GNA11: variants seen among roughly 807,000 people sequenced by gnomAD.
GNA11 encodes the protein G protein subunit alpha 11, also known as guanine nucleotide-binding protein subunit alpha-11.
A neutral mutation model predicts 38.2 loss-of-function variants in GNA11; 8 were observed. The ratio of observed to expected loss-of-function variants is 0.21; its 90% CI spans 0.12 to 0.38. The LOEUF is 0.38. Ranked by LOEUF, GNA11 falls within the 10% of genes least tolerant of loss-of-function variation. The pLI, the probability that GNA11 is intolerant of heterozygous loss-of-function variation, is 1.00. For missense variants in GNA11, 268 were observed against 516.3 expected, an observed-to-expected ratio of 0.52 and a Z score of 4.66; for synonymous variants, 211 against 221.4, an observed-to-expected ratio of 0.95 and a Z score of 0.42.
At chr19:3,109,662 G>A (rs780514041) in intron 1 of GNA11, among the ~76,000 whole-genome samples, 1 of 152,182 alleles carries the variant, frequency 6.6e-6, no homozygotes, top group Non-Finnish European at 1.5e-5. Context: ...CTCTGGGGAA[G>A]GGGGCGCCCA....
intron 4 of GNA11, 70 bp downstream of exon 4, chr19:3,115,142 G>C (rs2145321446): frequency 6.5e-7 from 1 of 1,547,724 alleles, no homozygotes; most frequent in South Asian, 1.2e-5. Context: ...GCCGGCTCAT[G>C]CCTGCGCACC....
At chr19:3,116,095 CG>C (rs1465096957) in intron 4 of GNA11, among the ~76,000 whole-genome samples, 1 of 151,846 alleles carries the variant, frequency 6.6e-6, no homozygotes, top group Non-Finnish European at 1.5e-5. Flanking sequence ...GCTGGGCCTC[CG>C]GGGCTCCAGG....
chr19:3,115,173 G>A (rs1372816194), intron 4 of GNA11, 101 bp downstream of exon 4: 1 of 1,372,116 alleles, frequency 7.3e-7, no homozygotes, highest in Admixed American at 1.9e-5. Flanking sequence ...GGAGGCCAAG[G>A]CGGGAGGATC....
Position 3,121,370 on chromosome 19 carries a change from TC to T in GNA11, c.*193del. 2.1e-6 allele frequency: 1 copy of T among 480,420 alleles called. No individual in the cohort carries two copies. Among genetic ancestry groups the T allele is most frequent in the Non-Finnish European group, 3.7e-6 (1 of 272,566 alleles). The allele number at this position is 480,420 out of a possible 1,614,324, so 29.8% of individuals were successfully genotyped here. A position where few individuals can be genotyped will look rare whatever the true frequency, so the allele number is the denominator to read the frequency against. ...TTATCAGGGGATGTACATCTCTCCCTCCGTACACTTCGCGCACCTTCTCACC... is the reference window on the plus strand; with the variant it reads ...TTATCAGGGGATGTACATCTCTCCCTCGTACACTTCGCGCACCTTCTCACC... On this transcript the variant is annotated 3_prime_UTR_variant, in exon 7 of 7. Transcript: ENST00000078429.
chr19:3,115,810 C>A (rs1264630203), intron 4 of GNA11, among the ~76,000 whole-genome samples: 1 of 40,686 alleles, frequency 2.5e-5, no homozygotes, highest in Non-Finnish European at 4.0e-5. Flanking sequence ...GGGACCGAGG[C>A]TGTGAGTGGA....
chr19:3,098,126 C>T (rs1420937878), intron 1 of GNA11, among the ~76,000 whole-genome samples: 1 of 152,356 alleles, frequency 6.6e-6, no homozygotes, highest in Non-Finnish European at 1.5e-5. Flanking sequence ...TGTGAATTCA[C>T]TACTCAGTGT....
intron 4 of GNA11, among the ~76,000 whole-genome samples, chr19:3,116,900 C>G (rs1436974389): frequency 2.0e-5 from 3 of 152,154 alleles, no homozygotes; most frequent in African/African-American, 7.2e-5. Flanking sequence ...GAGACCCACC[C>G]CAGGGCTGGG....
chr19:3,100,321 C>T (rs2145306147), intron 1 of GNA11, among the ~76,000 whole-genome samples: 1 of 152,352 alleles, frequency 6.6e-6, no homozygotes, highest in East Asian at 1.9e-4. Context: ...AGTCCCCAGA[C>T]ATCGCCTAGT....
chr19:3,104,227 A>T (rs77707388), intron 1 of GNA11, among the ~76,000 whole-genome samples: 14,158 of 152,234 alleles, frequency 0.093, 1,246 homozygotes, highest in Admixed American at 0.21. Flanking sequence ...ACCGGGGAAA[A>T]GGAAGCTGGG....
intron 1 of GNA11, among the ~76,000 whole-genome samples, chr19:3,109,203 A>T (rs1913705164): frequency 6.6e-6 from 1 of 152,148 alleles, no homozygotes; most frequent in African/African-American, 2.4e-5. Context: ...GGGTGAAGAA[A>T]AGTGGGGAGA....
chr19:3,109,003 C>A (rs1429635341), intron 1 of GNA11, among the ~76,000 whole-genome samples: 1 of 152,206 alleles, frequency 6.6e-6, no homozygotes, highest in Non-Finnish European at 1.5e-5. Flanking sequence ...AGGAGGAAGG[C>A]CTGTGCCTTT....
intron 1 of GNA11, among the ~76,000 whole-genome samples, chr19:3,105,389 A>T (rs1913615472): frequency 1.3e-5 from 1 of 79,938 alleles, no homozygotes; most frequent in African/African-American, 5.0e-5. Flanking sequence ...GGTTCTGTGG[A>T]TTTGGGGGGT....
intron 3 of GNA11, among the ~76,000 whole-genome samples, chr19:3,114,103 C>T (rs960746300): frequency 6.6e-5 from 10 of 152,088 alleles, no homozygotes; most frequent in African/African-American, 1.9e-4. Context: ...GACCCTAAGG[C>T]GACAGGGACA....
intron 3 of GNA11, 33 bp downstream of exon 3, chr19:3,113,517 ACGG>A: frequency 6.6e-7 from 1 of 1,510,806 alleles, no homozygotes; most frequent in South Asian, 1.3e-5. Context: ...CGGCCTGGGG[ACGG>A]CAGCTGCGGG....
Position 3,122,205 on chromosome 19 carries a change from G to A in GNA11, c.*1026G>A. On this transcript the variant is annotated 3_prime_UTR_variant, in exon 7 of 7. Coordinates refer to ENST00000078429, the MANE Select transcript of GNA11 (RefSeq NM_002067.5). This position sits in a 1 kb window ranked among gnomAD's most constrained non-coding sequence, Gnocchi z 7.7. ...TGTCACCAATTTGGAAACAGCGAGG[G>A]TGGGTGGGGACTTTTACAGAATATT... The A allele has an allele frequency of 4.3e-6, 1 of 233,224 alleles. No individual in the cohort carries two copies. Among genetic ancestry groups the A allele is most frequent in the Non-Finnish European group, 8.5e-6 (1 of 117,758 alleles). 14.4% of individuals were successfully genotyped at this position (233,224 alleles called of 1,614,324 possible).
At chr19:3,118,599 T>A (rs1913983405) in intron 4 of GNA11, 1 of 314,756 alleles carries the variant, frequency 3.2e-6, no homozygotes, top group South Asian at 5.4e-5. Flanking sequence ...AGATGTAGGG[T>A]CCCTGGGCAC....
In GNA11 at chr19:3,094,544, A is replaced by G. The variant is rs1913311758; in HGVS notation, c.-108A>G. 1 of 300,542 alleles carries G rather than the reference A, an allele frequency of 3.3e-6. No individual in the cohort carries two copies. Among genetic ancestry groups the G allele is most frequent in the African/African-American group, 2.5e-5 (1 of 39,558 alleles). The allele number at this position is 300,542 out of a possible 1,614,324, so 18.6% of individuals were successfully genotyped here. A position where few individuals can be genotyped will look rare whatever the true frequency, so the allele number is the denominator to read the frequency against. Reference sequence around the variant, plus strand: ...GCCCGGGGCCGAGGGCCGGTGGCCGAGGCCGGAGGGCCGCGGCGGGCGGCG... The same window carrying G: ...GCCCGGGGCCGAGGGCCGGTGGCCGGGGCCGGAGGGCCGCGGCGGGCGGCG... On this transcript the variant is annotated 5_prime_UTR_variant, in exon 1 of 7. Coordinates refer to ENST00000078429, the MANE Select transcript of GNA11 (RefSeq NM_002067.5). This position sits in a 1 kb window ranked among gnomAD's most constrained non-coding sequence, Gnocchi z 6.0.
Position 3,122,977 on chromosome 19 carries a change from C to G in GNA11, c.*1798C>G. On this transcript the variant is annotated 3_prime_UTR_variant, in exon 7 of 7. Coordinates refer to ENST00000078429, the MANE Select transcript of GNA11 (RefSeq NM_002067.5). This position sits in a 1 kb window ranked among gnomAD's most constrained non-coding sequence, Gnocchi z 7.7. ...CCCGGCTTCCCCACACCACTTCTGT[C>G]TCACCCGGAAGCGTCCTTTTTTTGT... 4.3e-6 allele frequency: 1 copy of G among 233,236 alleles called. No individual in the cohort carries two copies. Among genetic ancestry groups the G allele is most frequent in the Non-Finnish European group, 8.5e-6 (1 of 118,194 alleles). 14.4% of individuals were successfully genotyped at this position (233,236 alleles called of 1,614,324 possible).
chr19:3,121,071 C>G lies in GNA11; in HGVS notation c.972C>G (p.Ile324Met). The change falls in exon 7 of 7, where the codon ATC becomes ATG. Residue 324 changes from isoleucine to methionine, a missense_variant. Around this residue, in one of 3 missense-constraint regions of GNA11, gnomAD observed 92 missense variants for 166.7 expected, o/e 0.55. Transcript: ENST00000078429. ...VDLNPDSDKI[I>M]YSHFTCATDT... ...TGAACCCCGACAGCGACAAGATCAT[C>G]TACTCACACTTCACGTGTGCCACCG... is the stretch of plus-strand genomic sequence containing the variant. The G allele has an allele frequency of 6.2e-7, 1 of 1,613,682 alleles. No individual in the cohort carries two copies. Among genetic ancestry groups the G allele is most frequent in the Non-Finnish European group, 8.5e-7 (1 of 1,179,700 alleles).
Sources: gnomAD v4.1 joint callset for allele counts (sites outside exome capture counted in the v4.1 genomes callset) on GRCh38, gnomAD v4.1.1 for gene constraint, gnomAD v4.1.1 regional missense constraint, Gnocchi (gnomAD v3.1) non-coding constraint, MANE v1.5 for transcripts, NCBI Gene and HGNC (gene_info 2026-07-23, HGNC 2026-07-21) for gene names.